The following CSNK2A1 variants were observed in gnomAD, a reference collection of about 807,000 sequenced individuals.
CSNK2A1 encodes the protein casein kinase II subunit alpha.
In CSNK2A1, 10 loss-of-function variants were observed where a neutral mutation model predicts 62.9. The observed-to-expected ratio is 0.16, with a 90% CI of 0.10 to 0.27. CSNK2A1 has a LOEUF of 0.27. Ranked by LOEUF, CSNK2A1 falls within the 10% of genes least tolerant of loss-of-function variation. The probability of loss-of-function intolerance (pLI) is 1.00; values close to 1 mark genes in which losing one functional copy is unlikely to be tolerated. For synonymous variants in CSNK2A1, 124 were observed against 167.8 expected (o/e 0.74, Z 2.02); for missense variants, 160 against 492.0 (o/e 0.33, Z 6.38).
chr20:497,971 T>A (rs2018379454), intron 6 of CSNK2A1, 191 bp from the exon 7 acceptor site: 2 of 529,376 alleles, frequency 3.8e-6, no homozygotes, highest in East Asian at 6.5e-5. Context: ...CTCTTAAAAA[T>A]GAAGAATTAC....
In CSNK2A1 at chr20:474,178, C is replaced by T. The variant is rs1436274696; in HGVS notation, c.*9783G>A. On this transcript the variant is annotated 3_prime_UTR_variant, in exon 14 of 14. Coordinates refer to ENST00000217244, the MANE Select transcript of CSNK2A1 (RefSeq NM_177559.3). ...TCAACGTATCCTCCCACCCAGCCTC[C>T]CCAGTAGCTAGCACTATAGTCACAC... 1.3e-5 allele frequency: 2 copies of T among 152,344 alleles called. No homozygotes were observed. Among genetic ancestry groups the T allele is most frequent in the African/African-American group, 4.8e-5 (2 of 41,416 alleles). The allele number at this position is 152,344 out of a possible 1,614,324, so 9.4% of individuals were successfully genotyped here. A position where few individuals can be genotyped will look rare whatever the true frequency, so the allele number is the denominator to read the frequency against.
At chr20:537,875 T>G (rs2019367769) in intron 1 of CSNK2A1, among the ~76,000 whole-genome samples, 1 of 152,218 alleles carries the variant, frequency 6.6e-6, no homozygotes, top group African/African-American at 2.4e-5. Context: ...CAAATCATAT[T>G]GGTTTTCAGT....
chr20:508,764 T>G, intron 2 of CSNK2A1, 104 bp from the exon 3 acceptor site: 1 of 494,128 alleles, frequency 2.0e-6, no homozygotes, highest in Non-Finnish European at 3.6e-6. Context: ...CCTCTGGCTC[T>G]CCTACCTACA....
intron 3 of CSNK2A1, 81 bp downstream of exon 3, chr20:508,370 G>A (rs1600391991): frequency 2.0e-6 from 3 of 1,492,134 alleles, no homozygotes; most frequent in East Asian, 2.3e-5. Flanking sequence ...AGTCACGGAG[G>A]TTTTCTGACA....
At chr20:517,566 A>G (rs1173501338) in intron 2 of CSNK2A1, among the ~76,000 whole-genome samples, 1 of 152,224 alleles carries the variant, frequency 6.6e-6, no homozygotes, top group Non-Finnish European at 1.5e-5. Context: ...CATTCAACAA[A>G]TATTTATGGA....
In CSNK2A1 at chr20:483,487, CT is replaced by C. The variant is rs1200784400; in HGVS notation, c.*473del. On this transcript the variant is annotated 3_prime_UTR_variant, in exon 14 of 14. Transcript: ENST00000217244. The stretch of plus-strand genomic sequence containing the variant: ...GGGTCCTCCCTTCCTTCTTTCCTTC[CT>C]TCCTTTCTTCCTGCCTCCCCTGAGA... 1 of 152,650 alleles carries C rather than the reference CT, an allele frequency of 6.6e-6. No individual in the cohort carries two copies. The highest frequency in any genetic ancestry group is 1.5e-5 in the Non-Finnish European group (1 of 68,094). The allele number at this position is 152,650 out of a possible 1,614,324, so 9.5% of individuals were successfully genotyped here.
intron 1 of CSNK2A1, among the ~76,000 whole-genome samples, chr20:542,255 C>T (rs1456727483): frequency 6.6e-6 from 1 of 152,178 alleles, no homozygotes; most frequent in Non-Finnish European, 1.5e-5. Flanking sequence ...CTAGAAAATA[C>T]CATCATCCCC....
intron 2 of CSNK2A1, among the ~76,000 whole-genome samples, chr20:520,075 T>C (rs970293810): frequency 6.6e-6 from 1 of 150,564 alleles, no homozygotes; most frequent in Admixed American, 6.6e-5. Context: ...AAAAGTAAAA[T>C]CATAAAAAGA....
chr20:509,474 T>C (rs2018670781), intron 2 of CSNK2A1, among the ~76,000 whole-genome samples: 1 of 152,250 alleles, frequency 6.6e-6, no homozygotes, highest in African/African-American at 2.4e-5. Context: ...CCCCTCATTA[T>C]GCATTTAGAT....
intron 2 of CSNK2A1, among the ~76,000 whole-genome samples, chr20:511,024 T>C (rs1219784761): frequency 6.6e-6 from 1 of 152,112 alleles, no homozygotes; most frequent in South Asian, 2.1e-4. Context: ...ACCCAGCTTG[T>C]TGAAACACTT....
At chr20:485,127 T>G (rs989978736) in intron 13 of CSNK2A1, among the ~76,000 whole-genome samples, 1 of 90,254 alleles carries the variant, frequency 1.1e-5, no homozygotes, top group African/African-American at 4.3e-5. Flanking sequence ...TATATATATA[T>G]ATATATATAT....
intron 13 of CSNK2A1, 48 bp downstream of exon 13, chr20:486,328 G>C: frequency 6.2e-7 from 1 of 1,606,060 alleles, no homozygotes; most frequent in East Asian, 2.2e-5. Context: ...GCTAAGAACA[G>C]TAATTGACTT....
At chr20:486,084 C>A (rs576223263) in intron 13 of CSNK2A1, among the ~76,000 whole-genome samples, 1 of 152,250 alleles carries the variant, frequency 6.6e-6, no homozygotes, top group East Asian at 1.9e-4. Flanking sequence ...ACTGTCATTT[C>A]AAACTATAAG....
chr20:511,620 T>C (rs2018720159), intron 2 of CSNK2A1, among the ~76,000 whole-genome samples: 1 of 152,210 alleles, frequency 6.6e-6, no homozygotes, highest in African/African-American at 2.4e-5. Context: ...TAGCATAATG[T>C]CTTCAAGGCT....
chr20:529,591 T>C lies in CSNK2A1; in HGVS notation c.-226-1542A>G, dbSNP rs1050984872. Among the ~76,000 whole-genome samples the C allele has an allele frequency of 3.3e-5, 5 of 152,180 alleles. No individual in the cohort carries two copies. In the East Asian group the frequency reaches 9.6e-4, roughly 29 times the overall value. ...ATGCCAATGTGAAGCTGTAAAGTGC[T>C]TCCTTTAAGTAAAAAGGTAAAAGTT... On this transcript the variant is annotated intron_variant, in intron 1 of 13. Transcript: ENST00000217244.
intron 6 of CSNK2A1, chr20:498,466 C>T (rs2018392001): frequency 6.6e-6 from 1 of 151,838 alleles, no homozygotes; most frequent in Non-Finnish European, 1.5e-5. Flanking sequence ...TCAGCTTCCC[C>T]AGTAGCTAGG....
At chr20:490,409 TAC>T (rs1491439830) in intron 9 of CSNK2A1, among the ~76,000 whole-genome samples, 1 of 129,010 alleles carries the variant, frequency 7.8e-6, no homozygotes, top group African/African-American at 2.9e-5. Context: ...AAACAATTTT[TAC>T]TTTTTTTTTT....
At chr20:488,571 C>A (rs1309003746) in intron 11 of CSNK2A1, 107 bp downstream of exon 11, 3 of 1,132,918 alleles carry the variant, frequency 2.6e-6, no homozygotes, top group Non-Finnish European at 3.9e-6. Context: ...CCACTGACAT[C>A]CTGACAGTGC....
intron 2 of CSNK2A1, among the ~76,000 whole-genome samples, chr20:519,186 T>A (rs1016687423): frequency 6.6e-6 from 1 of 151,262 alleles, no homozygotes; most frequent in African/African-American, 2.4e-5. Context: ...GACCCGCCCA[T>A]CTTGGCCTCC....
Sources: gnomAD v4.1 joint callset for allele counts (sites outside exome capture counted in the v4.1 genomes callset) on GRCh38, gnomAD v4.1.1 for gene constraint, MANE v1.5 for transcripts, NCBI Gene and HGNC (gene_info 2026-07-23, HGNC 2026-07-21) for gene names.